The following AFG2A variants were observed in gnomAD, a reference collection of about 807,000 sequenced individuals.
The protein encoded by AFG2A is AAA ATPase AFG2A, also known as ATPase family gene 2 protein homolog A.
At chr4:123,311,567 C>A in the AFG2A span, among the ~76,000 whole-genome samples, 14 of 137,836 alleles carry the variant, frequency 1.0e-4, no homozygotes, top group African/African-American at 4.0e-4. Flanking sequence ...GCGGAGGTTG[C>A]AGGGAGCCGA....
the AFG2A span, among the ~76,000 whole-genome samples, chr4:123,257,371 TAAGTTGAAAATAAC>T: frequency 4.7e-3 from 719 of 152,318 alleles, 9 homozygotes; most frequent in African/African-American, 0.016. Context: ...AAATCCATCT[TAAGTTGAAAATAAC>T]AAGTTGAAAA....
At chr4:123,123,829 G>A in the AFG2A span, among the ~76,000 whole-genome samples, 2 of 151,092 alleles carry the variant, frequency 1.3e-5, no homozygotes, top group African/African-American at 4.9e-5. Flanking sequence ...GCGCGCGCCT[G>A]TAGTCCCAGC....
the AFG2A span, among the ~76,000 whole-genome samples, chr4:123,097,455 A>G: frequency 3.3e-5 from 5 of 152,052 alleles, no homozygotes; most frequent in African/African-American, 1.2e-4. Flanking sequence ...ATGGATGCCT[A>G]TTAATCTTTC....
chr4:123,250,942 A>T, the AFG2A span, among the ~76,000 whole-genome samples: 1 of 152,178 alleles, frequency 6.6e-6, no homozygotes, highest in Non-Finnish European at 1.5e-5. Flanking sequence ...AGAGTTCTAC[A>T]GGAAGGAAGG....
chr4:123,153,982 T>C, the AFG2A span, among the ~76,000 whole-genome samples: 1 of 152,270 alleles, frequency 6.6e-6, no homozygotes, highest in African/African-American at 2.4e-5. Flanking sequence ...CCTTAACATA[T>C]GAAAGTGTAG....
chr4:122,938,319 A>G, the AFG2A span: 172 of 1,347,180 alleles, frequency 1.3e-4, no homozygotes, highest in African/African-American at 2.3e-3. Flanking sequence ...GGTAAAAACT[A>G]TTGAATGTGT....
the AFG2A span, among the ~76,000 whole-genome samples, chr4:123,272,431 G>A: frequency 6.6e-6 from 1 of 152,166 alleles, no homozygotes; most frequent in Non-Finnish European, 1.5e-5. Context: ...TGAGACTCCA[G>A]CATTAGGTGC....
chr4:123,151,872 A>C, the AFG2A span, among the ~76,000 whole-genome samples: 1 of 152,214 alleles, frequency 6.6e-6, no homozygotes, highest in Non-Finnish European at 1.5e-5. Context: ...ACTTGGAACC[A>C]ACCCATATGC....
chr4:123,125,606 A>G, the AFG2A span, among the ~76,000 whole-genome samples: 4 of 152,108 alleles, frequency 2.6e-5, no homozygotes, highest in African/African-American at 2.4e-5. Flanking sequence ...ACTGTGTTCA[A>G]TTCCATAAAT....
the AFG2A span, chr4:122,933,378 T>C: frequency 1.5e-6 from 2 of 1,313,992 alleles, no homozygotes; most frequent in African/African-American, 3.0e-5. Context: ...TAATTTTACA[T>C]CACAGTTTAG....
the AFG2A span, among the ~76,000 whole-genome samples, chr4:123,213,000 A>G: frequency 1.3e-5 from 2 of 152,182 alleles, no homozygotes; most frequent in African/African-American, 4.8e-5. Context: ...ATCACATTAT[A>G]AAGTTGCAAG....
At chr4:123,010,434 T>C in the AFG2A span, among the ~76,000 whole-genome samples, 2 of 152,152 alleles carry the variant, frequency 1.3e-5, no homozygotes, top group East Asian at 3.8e-4. Flanking sequence ...CTCCACAATG[T>C]AGAGACCGTG....
At chr4:123,108,218 G>A in the AFG2A span, among the ~76,000 whole-genome samples, 1 of 152,130 alleles carries the variant, frequency 6.6e-6, no homozygotes, top group Admixed American at 6.5e-5. Context: ...TTTTAGTGCT[G>A]GAGAGATTCT....
At chr4:122,955,554 T>G in the AFG2A span, among the ~76,000 whole-genome samples, 8 of 152,214 alleles carry the variant, frequency 5.3e-5, no homozygotes, top group Admixed American at 1.3e-4. Flanking sequence ...TTTAGTAGGC[T>G]TTGAAGACCC....
the AFG2A span, among the ~76,000 whole-genome samples, chr4:123,130,001 A>C: frequency 6.6e-6 from 1 of 151,854 alleles, no homozygotes; most frequent in Admixed American, 6.6e-5. Context: ...CTGTTATGTG[A>C]GGTTTTTTGT....
chr4:123,227,848 G>T, the AFG2A span, among the ~76,000 whole-genome samples: 508 of 152,230 alleles, frequency 3.3e-3, no homozygotes, highest in Non-Finnish European at 6.2e-3. Flanking sequence ...GGGAGTCTAA[G>T]TCTCTTTGTA....
chr4:123,257,002 G>T, the AFG2A span: 541 of 304,328 alleles, frequency 1.8e-3, 2 homozygotes, highest in African/African-American at 0.012. Context: ...TAAGTACAAG[G>T]TTACAGATTA....
At chr4:123,034,484 T>C in the AFG2A span, among the ~76,000 whole-genome samples, 1 of 150,990 alleles carries the variant, frequency 6.6e-6, no homozygotes, top group Admixed American at 6.6e-5. Flanking sequence ...CAAGGAAAGT[T>C]TGAGAAACTG....
chr4:123,054,954 A>G, the AFG2A span, among the ~76,000 whole-genome samples: 4 of 152,150 alleles, frequency 2.6e-5, no homozygotes, highest in East Asian at 3.9e-4. Flanking sequence ...TTCCTCCTAA[A>G]CATCGTTTAT....
Sources: allele counts gnomAD v4.1 joint callset (sites outside exome capture counted in the v4.1 genomes callset), GRCh38; gene constraint gnomAD v4.1.1; transcripts MANE v1.5; gene names NCBI Gene and HGNC (gene_info 2026-07-23, HGNC 2026-07-21).